SCN9A: variants seen among roughly 807,000 people sequenced by gnomAD.
SCN9A encodes the protein sodium channel protein type 9 subunit alpha.
A neutral mutation model predicts 187.0 loss-of-function variants in SCN9A; 131 were observed. The observed-to-expected ratio is 0.70, with a 90% CI of 0.61 to 0.81. The LOEUF (loss-of-function observed/expected upper bound fraction) is 0.81. Ranked by LOEUF, SCN9A falls within the 30% of genes least tolerant of loss-of-function variation. The pLI, the probability that SCN9A is intolerant of heterozygous loss-of-function variation, is 0.00. For missense variants in SCN9A, 2,252 were observed against 2,396.6 expected (o/e 0.94, Z 1.26); for synonymous variants, 809 against 808.6 (o/e 1.00, Z -0.01).
intron 1 of SCN9A, 106 bp from the exon 2 acceptor site, chr2:166,311,912 AG>A: frequency 1.6e-6 from 1 of 607,358 alleles, no homozygotes; most frequent in South Asian, 3.3e-5. Flanking sequence ...CAACTACAAA[AG>A]GTAACATGTT....
At chr2:166,230,977 TA>T (rs1695056792) in intron 21 of SCN9A, among the ~76,000 whole-genome samples, 2 of 152,316 alleles carry the variant, frequency 1.3e-5, no homozygotes, top group Admixed American at 6.5e-5. Flanking sequence ...TTATTTCATT[TA>T]TCCTTCAAAA....
chr2:166,367,530 TG>T (rs199948709), intron 1 of SCN9A, among the ~76,000 whole-genome samples: 1,672 of 152,334 alleles, frequency 0.011, 35 homozygotes, highest in African/African-American at 0.038. Flanking sequence ...CCTTCCAAAG[TG>T]CTGGATTACG....
chr2:166,303,026 A>G (rs2106521945), intron 7 of SCN9A, 64 bp downstream of exon 7: 1 of 1,185,254 alleles, frequency 8.4e-7, no homozygotes, highest in Non-Finnish European at 1.2e-6. Context: ...ACATTTCATT[A>G]TTAAAAGAGA....
intron 1 of SCN9A, among the ~76,000 whole-genome samples, chr2:166,334,618 G>A (rs756700849): frequency 7.2e-5 from 11 of 152,052 alleles, no homozygotes; most frequent in Admixed American, 3.3e-4. Flanking sequence ...ATTATTATAC[G>A]AGTAAAGGAA....
chr2:166,213,980 C>T (rs527447144), intron 24 of SCN9A, among the ~76,000 whole-genome samples: 1 of 152,224 alleles, frequency 6.6e-6, no homozygotes, highest in East Asian at 1.9e-4. Context: ...GCAGCTACTT[C>T]CCAAGGGTTG....
chr2:166,266,428 G>A (rs1696741146), intron 17 of SCN9A, among the ~76,000 whole-genome samples: 1 of 151,652 alleles, frequency 6.6e-6, no homozygotes, highest in South Asian at 2.1e-4. Flanking sequence ...CTGTGTGTCT[G>A]TTTTATGTCA....
rs1695608737 is a variant in SCN9A, at chr2:166,242,486, G to A, written c.3627+16C>T. On this transcript the variant is annotated intron_variant, in intron 19 of 26. Transcript: ENST00000642356. ...TGACTTAATCAATATATTGACTTAG[G>A]TGTCAGATCATTTACCAGGGCACCA... The A allele has an allele frequency of 5.2e-6, 8 of 1,551,526 alleles. No homozygotes were observed. In the East Asian group the frequency reaches 1.6e-4, roughly 32 times the overall value.
chr2:166,242,523 G>C lies in SCN9A; in HGVS notation c.3606C>G (p.Ile1202Met), dbSNP rs1332040575. The C allele has an allele frequency of 6.3e-7, 1 of 1,596,932 alleles. No individual in the cohort carries two copies. Among genetic ancestry groups the C allele is most frequent in the Non-Finnish European group, 8.5e-7 (1 of 1,171,236 alleles). ...TTACCAGGGCACCACTGCTGAGCAG[G>C]ATCATGAGGACAATGAAGCTTTCAA... ...SWFESFIVLMILLSSGALAFE... is the reference protein window; with the variant it reads ...SWFESFIVLMMLLSSGALAFE... Residue 1202 changes from isoleucine (I) to methionine (M), a missense_variant, in exon 19 of 27, where the codon ATC becomes ATG. Ile to Met is a conservative substitution (Grantham distance 10). Transcript: ENST00000642356.
intron 22 of SCN9A, among the ~76,000 whole-genome samples, 152 bp downstream of exon 22, chr2:166,228,539 G>A (rs1694942430): frequency 6.7e-6 from 1 of 149,304 alleles, no homozygotes; most frequent in South Asian, 2.2e-4. Flanking sequence ...CTACAGGCAT[G>A]AGCCACTGCG....
intron 18 of SCN9A, among the ~76,000 whole-genome samples, chr2:166,251,359 T>A (rs76174228): frequency 0.02 from 3,018 of 152,084 alleles, 108 homozygotes; most frequent in African/African-American, 0.069. Context: ...AAGGAAGAAT[T>A]TTGAGAGAGA....
intron 1 of SCN9A, among the ~76,000 whole-genome samples, chr2:166,372,575 T>C (rs1485601589): frequency 1.3e-5 from 2 of 152,142 alleles, no homozygotes; most frequent in African/African-American, 4.8e-5. Context: ...TCACTGCCTT[T>C]CTAAGAATGC....
rs202061011 is a variant in SCN9A at position 166,305,773 on chromosome 2, A to G, written c.596+19T>C. The G allele has an allele frequency of 6.2e-7, 1 of 1,613,246 alleles. No homozygotes were observed. Among genetic ancestry groups the G allele is most frequent in the Non-Finnish European group, 8.5e-7 (1 of 1,179,434 alleles). ...AGATTTTCATAAATTTGCCGTTTCA[A>G]AAAGCTGAAAGTACTTACGCAAAAA... On this transcript the variant is annotated intron_variant, in intron 5 of 26. Transcript: ENST00000642356.
At chr2:166,237,607 T>G (rs1695374531) in intron 20 of SCN9A, among the ~76,000 whole-genome samples, 2 of 152,172 alleles carry the variant, frequency 1.3e-5, no homozygotes, top group South Asian at 4.1e-4. Flanking sequence ...CAAAGTTAAC[T>G]TTGTATTTGT....
intron 24 of SCN9A, among the ~76,000 whole-genome samples, chr2:166,224,889 G>T (rs919582596): frequency 1.5e-4 from 23 of 152,086 alleles, no homozygotes; most frequent in Non-Finnish European, 1.2e-4. Flanking sequence ...TTTCTGAGAG[G>T]TTAAATGAGG....
chr2:166,238,876 ACT>A (rs1695437533), intron 19 of SCN9A, among the ~76,000 whole-genome samples: 1 of 152,194 alleles, frequency 6.6e-6, no homozygotes, highest in African/African-American at 2.4e-5. Context: ...TCTAAAAATC[ACT>A]GTTCTATTCT....
intron 16 of SCN9A, 23 bp from the exon 17 acceptor site, chr2:166,272,898 G>A: frequency 1.7e-6 from 2 of 1,147,362 alleles, no homozygotes; most frequent in Non-Finnish European, 2.4e-6. Context: ...GGGGAGAGGG[G>A]GTAGAGAAAT....
chr2:166,288,636 C>T lies in SCN9A; in HGVS notation c.1115G>A (p.Arg372His), dbSNP rs201071819. The change falls in exon 10 of 27, where the codon CGT (arginine) becomes CAT (histidine). Residue 372 changes from arginine (R) to histidine (H), a missense_variant. Transcript: ENST00000642356. Reference sequence around the variant, plus strand: ...GATCATGTAGGTTTTGCCAGCAGCACGCAGCGTCTAGGGAAAAATGGAAAT... The same window carrying T: ...GATCATGTAGGTTTTGCCAGCAGCATGCAGCGTCTAGGGAAAAATGGAAAT... Reference protein sequence around the residue: ...YWENLYQQTLRAAGKTYMIFF... With the variant: ...YWENLYQQTLHAAGKTYMIFF... The T allele has an allele frequency of 4.5e-5, 72 of 1,582,772 alleles. No individual in the cohort carries two copies. Among genetic ancestry groups the T allele is most frequent in the East Asian group, 6.7e-5 (3 of 44,556 alleles).
chr2:166,212,909 A>T (rs191661186), intron 24 of SCN9A, among the ~76,000 whole-genome samples: 1 of 152,334 alleles, frequency 6.6e-6, no homozygotes, highest in African/African-American at 2.4e-5. Context: ...AAAAAAATCA[A>T]TAGGAAAATT....
chr2:166,320,976 A>G (rs1244817305), intron 1 of SCN9A, among the ~76,000 whole-genome samples: 1 of 152,210 alleles, frequency 6.6e-6, no homozygotes, highest in Non-Finnish European at 1.5e-5. Flanking sequence ...AGTTTTAGGG[A>G]AGAGCATAAG....
Sources: allele counts gnomAD v4.1 joint callset (sites outside exome capture counted in the v4.1 genomes callset), GRCh38; gene constraint gnomAD v4.1.1; transcripts MANE v1.5; gene names NCBI Gene and HGNC (gene_info 2026-07-23, HGNC 2026-07-21).